Variants in SASH1 observed in about 807,000 individuals in gnomAD.
The protein encoded by SASH1 is SAM and SH3 domain containing 1.
Under a neutral mutation model 125.2 loss-of-function variants are expected in SASH1, and 44 were observed. The ratio of observed to expected loss-of-function variants is 0.35; its 90% CI spans 0.28 to 0.45. The LOEUF (loss-of-function observed/expected upper bound fraction) is 0.45. Among genes scored for constraint, SASH1 ranks in the 20% least tolerant of loss-of-function variants. The pLI is 1.00. For missense variants in SASH1, 1,426 were observed against 1,614.5 expected (o/e 0.88, Z 2.00); for synonymous variants, 639 against 649.1 (o/e 0.98, Z 0.24).
At chr6:148,546,226 A>G in intron 19 of SASH1, 80 bp downstream of exon 19, 1 of 1,521,052 alleles carries the variant, frequency 6.6e-7, no homozygotes, top group Non-Finnish European at 8.9e-7. Flanking sequence ...ACAACTGCCA[A>G]GTAGGCAAGG....
rs1399848579 is a variant in SASH1 at position 148,394,180 on chromosome 6, ACTGCGCTCAGC to A, written c.285+3921_285+3931del. On this transcript the variant is annotated intron_variant, in intron 2 of 19. Transcript: ENST00000367467. ...AGTGCTGGGATTACAGGCGTGAGTCACTGCGCTCAGCCTTCAGATTCTCTTTCTATGAAATT... is the reference window on the plus strand; with the variant it reads ...AGTGCTGGGATTACAGGCGTGAGTCACTTCAGATTCTCTTTCTATGAAATT... Among the ~76,000 whole-genome samples the A allele has an allele frequency of 9.9e-5, 15 of 152,144 alleles. No homozygotes were observed. The South Asian group carries it at 3.1e-3, about 31-fold the overall frequency.
At chr6:148,368,770 G>GCGCACACACACACACACACACACA (rs1554245330) in intron 1 of SASH1, among the ~76,000 whole-genome samples, 37 of 135,730 alleles carry the variant, frequency 2.7e-4, no homozygotes, top group South Asian at 5.2e-4. Context: ...GCACGCGCGC[G>GCGCACACACACACACACACACACA]CACACACACA....
At chr6:148,365,446 GCA>G (rs974294600) in intron 1 of SASH1, among the ~76,000 whole-genome samples, 1 of 151,140 alleles carries the variant, frequency 6.6e-6, no homozygotes, top group Non-Finnish European at 1.5e-5. Flanking sequence ...ATCTTGCAGG[GCA>G]CAGAGTTCTC....
chr6:148,263,104 G>A, the SASH1 span, among the ~76,000 whole-genome samples: 1 of 152,202 alleles, frequency 6.6e-6, no homozygotes, highest in Non-Finnish European at 1.5e-5. Context: ...GAGACGGCAG[G>A]CAGACTCCTT....
intron 16 of SASH1, among the ~76,000 whole-genome samples, chr6:148,536,571 C>T (rs1336012729): frequency 1.3e-5 from 2 of 152,192 alleles, no homozygotes; most frequent in Non-Finnish European, 2.9e-5. Context: ...AACTCCTGAC[C>T]TCAGGTGATC....
Position 148,514,315 on chromosome 6 carries a change from C to T in SASH1, c.730-9C>T, listed in dbSNP as rs1224399501. ...ACCTGATTAACTTTTTCCTTTGTTT[C>T]TTTGCCAGTCAAGAGAACAATCGGA... On this transcript the variant is annotated splice_polypyrimidine_tract_variant and intron_variant, in intron 8 of 19. Transcript: ENST00000367467. The T allele has an allele frequency of 6.3e-7, 1 of 1,595,762 alleles. No homozygotes were observed. The highest frequency in any genetic ancestry group is 2.2e-5 in the East Asian group (1 of 44,656).
the SASH1 span, among the ~76,000 whole-genome samples, chr6:148,235,017 T>A: frequency 6.6e-6 from 1 of 152,188 alleles, no homozygotes; most frequent in African/African-American, 2.4e-5. Context: ...GATAATCTGA[T>A]AACAAGCACC....
chr6:148,487,816 A>G (rs1406304511), intron 8 of SASH1, 101 bp downstream of exon 8: 1 of 777,246 alleles, frequency 1.3e-6, no homozygotes, highest in Non-Finnish European at 2.1e-6. Flanking sequence ...TCCGACTCGC[A>G]CCTGGGTCTG....
chr6:148,440,428 C>G, intron 4 of SASH1, 21 bp downstream of exon 4: 4 of 1,610,004 alleles, frequency 2.5e-6, no homozygotes, highest in Non-Finnish European at 3.4e-6. Flanking sequence ...CTCCCTCTGC[C>G]CAGGACCACC....
chr6:148,319,664 G>C (rs1436927688), intron 1 of SASH1, among the ~76,000 whole-genome samples: 1 of 151,918 alleles, frequency 6.6e-6, no homozygotes, highest in Non-Finnish European at 1.5e-5. Flanking sequence ...GCAGGCATGC[G>C]CCACCACGCC....
At chr6:148,255,530 C>G in the SASH1 span, among the ~76,000 whole-genome samples, 1 of 152,212 alleles carries the variant, frequency 6.6e-6, no homozygotes, top group Non-Finnish European at 1.5e-5. Flanking sequence ...CTCTTATACA[C>G]AGGCAAATCT....
In SASH1 at chr6:148,552,014, A is replaced by G. The variant is rs558536614; in HGVS notation, c.*3456A>G. 1.3e-5 allele frequency: 2 copies of G among 152,788 alleles called. No individual in the cohort carries two copies. The highest frequency in any genetic ancestry group is 3.9e-4 in the East Asian group (2 of 5,186). The allele number at this position is 152,788 out of a possible 1,614,324, so 9.5% of individuals were successfully genotyped here. On this transcript the variant is annotated 3_prime_UTR_variant, in exon 20 of 20. Transcript: ENST00000367467. ...CTATAATTATGTCATCTATGTACCT[A>G]GAAAAAAGTAAATAAATTTCTTCAG...
At chr6:148,422,545 A>G (rs1409662316) in intron 2 of SASH1, among the ~76,000 whole-genome samples, 3 of 152,230 alleles carry the variant, frequency 2.0e-5, no homozygotes, top group Non-Finnish European at 2.9e-5. Flanking sequence ...ATTTTGAGCA[A>G]TGAAGTATGT....
intron 1 of SASH1, among the ~76,000 whole-genome samples, chr6:148,302,436 A>G (rs1779989110): frequency 6.6e-6 from 1 of 151,424 alleles, no homozygotes; most frequent in East Asian, 1.9e-4. Context: ...GGATCTTTGG[A>G]ATCCAAAACC....
chr6:148,535,072 C>G (rs1781761455), intron 16 of SASH1, among the ~76,000 whole-genome samples, 171 bp downstream of exon 16: 1 of 152,130 alleles, frequency 6.6e-6, no homozygotes. Flanking sequence ...CCTGTGAGGT[C>G]TGCCACAGCA....
At chr6:148,426,093 C>T (rs1365605254) in intron 2 of SASH1, among the ~76,000 whole-genome samples, 2 of 152,030 alleles carry the variant, frequency 1.3e-5, no homozygotes, top group Non-Finnish European at 2.9e-5. Flanking sequence ...CCTGTAATCC[C>T]AGCTACTGGG....
At chr6:148,296,042 CATT>C (rs1308745246) in intron 1 of SASH1, among the ~76,000 whole-genome samples, 1 of 152,166 alleles carries the variant, frequency 6.6e-6, no homozygotes, top group African/African-American at 2.4e-5. Flanking sequence ...TGTTGGAAAT[CATT>C]GTTACTTTAA....
chr6:148,405,040 A>G (rs1469222700), intron 2 of SASH1, among the ~76,000 whole-genome samples: 1 of 152,042 alleles, frequency 6.6e-6, no homozygotes, highest in Non-Finnish European at 1.5e-5. Flanking sequence ...TTCTGCTCAC[A>G]GGGCGGCTTG....
chr6:148,409,816 C>T (rs1044903347), intron 2 of SASH1, among the ~76,000 whole-genome samples: 2 of 151,994 alleles, frequency 1.3e-5, no homozygotes, highest in African/African-American at 4.8e-5. Flanking sequence ...TGTCTGTAAT[C>T]CCAGCTACTC....
Sources: gnomAD v4.1 joint callset for allele counts (sites outside exome capture counted in the v4.1 genomes callset) on GRCh38, gnomAD v4.1.1 for gene constraint, MANE v1.5 for transcripts, NCBI Gene and HGNC (gene_info 2026-07-23, HGNC 2026-07-21) for gene names.